RELN: variants seen among roughly 807,000 people sequenced by gnomAD.
RELN encodes the protein reelin.
A neutral mutation model predicts 427.6 loss-of-function variants in RELN; 108 were observed. That is an observed-to-expected ratio of 0.25 (90% CI 0.22 to 0.30). RELN has a LOEUF of 0.30. Among genes scored for constraint, RELN ranks in the 10% least tolerant of loss-of-function variants. The pLI, the probability that RELN is intolerant of heterozygous loss-of-function variation, is 1.00. For synonymous variants in RELN, 1,524 were observed against 1,513.4 expected, an observed-to-expected ratio of 1.01 and a Z score of -0.16; for missense variants, 3,715 against 4,302.8, an observed-to-expected ratio of 0.86 and a Z score of 3.82.
chr7:103,567,637 G>A (rs1006127008), intron 31 of RELN, among the ~76,000 whole-genome samples: 14 of 152,022 alleles, frequency 9.2e-5, no homozygotes, highest in Non-Finnish European at 1.9e-4. Context: ...GGGTAGAGTG[G>A]TAGAGGGTAT....
intron 1 of RELN, among the ~76,000 whole-genome samples, chr7:103,924,991 TACACACACACACACACACACAC>T (rs57662220): frequency 0.017 from 819 of 49,092 alleles, 10 homozygotes; most frequent in African/African-American, 0.045. Flanking sequence ...CGCATACACA[TACACACACACACACACACACAC>T]ACACACACAC....
intron 38 of RELN, among the ~76,000 whole-genome samples, chr7:103,556,477 T>A (rs1293721430): frequency 6.6e-6 from 1 of 152,104 alleles, no homozygotes; most frequent in Admixed American, 6.6e-5. Context: ...TTGAGACTTG[T>A]TGATACGGTT....
chr7:103,513,030 G>A (rs972266261), intron 50 of RELN: 1 of 152,174 alleles, frequency 6.6e-6, no homozygotes, highest in Non-Finnish European at 1.5e-5. Flanking sequence ...TTTTTTTACT[G>A]TGAGGGATTT....
intron 25 of RELN, 45 bp from the exon 26 acceptor site, chr7:103,594,537 G>GA: frequency 6.5e-7 from 1 of 1,540,108 alleles, no homozygotes; most frequent in South Asian, 1.2e-5. Flanking sequence ...CAAAAGCTGT[G>GA]CTTTTTTTTT....
chr7:103,748,396 C>T (rs770971486), intron 6 of RELN, among the ~76,000 whole-genome samples: 17 of 152,056 alleles, frequency 1.1e-4, no homozygotes, highest in Non-Finnish European at 2.4e-4. Flanking sequence ...TATATGTCAT[C>T]TTCAACTCTT....
chr7:103,557,088 C>A lies in RELN; in HGVS notation c.5686G>T (p.Asp1896Tyr). 6.2e-7 allele frequency: 1 copy of A among 1,613,566 alleles called. No homozygotes were observed. ...GTTGTTTGAGGAAAGTAAAATTCAT[C>A]CATCAGGTGCCAAGTGATTCCTCCA... ...ISGGITWHLM[D>Y]EFYFPQTTNI... The change falls in exon 38 of 65, where the codon GAT (aspartate) becomes TAT (tyrosine). Residue 1896 changes from aspartate (D) to tyrosine (Y), a missense_variant. Around this residue, in one of 4 missense-constraint regions of RELN, gnomAD observed 2,208 missense variants for 2,361.7 expected, o/e 0.93. Coordinates refer to ENST00000428762, the MANE Select transcript of RELN (RefSeq NM_005045.4).
chr7:103,619,021 G>A (rs1294065026), intron 20 of RELN, among the ~76,000 whole-genome samples: 1 of 152,070 alleles, frequency 6.6e-6, no homozygotes, highest in African/African-American at 2.4e-5. Flanking sequence ...GGGAGGCTGA[G>A]GCAGGAGAAT....
At chr7:103,495,294 T>A (rs1247787724) in intron 57 of RELN, among the ~76,000 whole-genome samples, 1 of 151,794 alleles carries the variant, frequency 6.6e-6, no homozygotes, top group East Asian at 1.9e-4. Context: ...TAGCTGGGAT[T>A]ACAGGTGTGC....
chr7:103,523,304 G>A (rs1357438830), intron 47 of RELN, 87 bp downstream of exon 47: 3 of 1,461,090 alleles, frequency 2.1e-6, no homozygotes, highest in Non-Finnish European at 2.9e-6. Flanking sequence ...AAGCATGGGA[G>A]TGATTCAAAA....
rs542238790 is a variant in RELN, at chr7:103,860,087, T to A, written c.338-26415A>T. ...GCGAGCTTAGCCACAATAAATTAAATCAGTCATACGTTGTTCATTATATCA... is the reference window on the plus strand; with the variant it reads ...GCGAGCTTAGCCACAATAAATTAAAACAGTCATACGTTGTTCATTATATCA... On this transcript the variant is annotated intron_variant, in intron 2 of 64. Coordinates refer to ENST00000428762, the MANE Select transcript of RELN (RefSeq NM_005045.4). 4.6e-5 allele frequency among the ~76,000 whole-genome samples: 7 copies of A among 152,300 alleles called. No homozygotes were observed. In the East Asian group the frequency reaches 9.6e-4, roughly 21 times the overall value.
At chr7:103,748,788 A>C (rs1461063489) in intron 6 of RELN, among the ~76,000 whole-genome samples, 2 of 152,226 alleles carry the variant, frequency 1.3e-5, no homozygotes, top group East Asian at 3.8e-4. Flanking sequence ...CATTTAGTAT[A>C]ATAGAAAATC....
At chr7:103,523,632 G>A (rs1829759078) in intron 46 of RELN, 101 bp from the exon 47 acceptor site, 2 of 1,086,282 alleles carry the variant, frequency 1.8e-6, no homozygotes. Context: ...ACAAAAGCAT[G>A]TACATTCCTA....
chr7:103,704,358 C>T (rs1425010736), intron 8 of RELN, among the ~76,000 whole-genome samples: 5 of 152,074 alleles, frequency 3.3e-5, no homozygotes, highest in East Asian at 3.8e-4. Context: ...CCTATGTATA[C>T]GTTCATTCTT....
intron 6 of RELN, among the ~76,000 whole-genome samples, chr7:103,746,645 C>T (rs1256597770): frequency 6.6e-6 from 1 of 152,072 alleles, no homozygotes; most frequent in African/African-American, 2.4e-5. Flanking sequence ...TTTATGCAGC[C>T]AACAGATACA....
At chr7:103,941,573 C>G (rs952768606) in intron 1 of RELN, among the ~76,000 whole-genome samples, 1 of 151,830 alleles carries the variant, frequency 6.6e-6, no homozygotes, top group Non-Finnish European at 1.5e-5. Flanking sequence ...GTTTTCTAAT[C>G]ATAAATTTAA....
Position 103,596,527 on chromosome 7 carries a change from C to G in RELN, c.3468G>C (p.Gln1156His). The change falls in exon 25 of 65, where the codon CAG becomes CAC. Residue 1156 changes from glutamine (Q) to histidine (H), a missense_variant. Physicochemically the swap from Gln to His is conservative, Grantham distance 24. Around this residue, in one of 4 missense-constraint regions of RELN, gnomAD observed 2,208 missense variants for 2,361.7 expected, o/e 0.93. Coordinates refer to ENST00000428762, the MANE Select transcript of RELN (RefSeq NM_005045.4). ...ACTGGATGCCCCCATTGTTGCTGTA[C>G]TGAAGGAGGACGCCCTCCTCTCTGC... ...PDSREEGVLL[Q>H]YSNNGGIQWH... 2 of 1,614,052 alleles carry G rather than the reference C, an allele frequency of 1.2e-6. No individual in the cohort carries two copies. The highest frequency in any genetic ancestry group is 1.7e-6 in the Non-Finnish European group (2 of 1,179,928).
chr7:103,497,679 A>G (rs1235798704), intron 55 of RELN, 141 bp downstream of exon 55: 6 of 742,292 alleles, frequency 8.1e-6, no homozygotes, highest in Admixed American at 6.2e-5. Flanking sequence ...CATGTAATAC[A>G]AACAAAATCT....
chr7:103,588,604 A>C (rs1451584376), intron 28 of RELN, among the ~76,000 whole-genome samples: 1 of 152,192 alleles, frequency 6.6e-6, no homozygotes, highest in African/African-American at 2.4e-5. Context: ...CTGACAAATA[A>C]GACATACAAA....
intron 10 of RELN, among the ~76,000 whole-genome samples, chr7:103,695,488 T>C (rs950630367): frequency 1.3e-5 from 2 of 152,124 alleles, no homozygotes; most frequent in Non-Finnish European, 2.9e-5. Flanking sequence ...AAGCAAAGCA[T>C]ATTCCACATA....
Sources: allele counts gnomAD v4.1 joint callset (sites outside exome capture counted in the v4.1 genomes callset), GRCh38; gene constraint gnomAD v4.1.1; regional missense constraint gnomAD v4.1.1; transcripts MANE v1.5; gene names NCBI Gene and HGNC (gene_info 2026-07-23, HGNC 2026-07-21).